SEC31A: variants seen among roughly 807,000 people sequenced by gnomAD.
SEC31A encodes the protein protein transport protein Sec31A.
A neutral mutation model predicts 151.0 loss-of-function variants in SEC31A; 70 were observed. That is an observed-to-expected ratio of 0.46 (90% CI 0.38 to 0.57). The LOEUF is 0.57. SEC31A is among the 20% of genes least tolerant of loss of function. SEC31A has a pLI of 0.00. For missense variants in SEC31A, 1,330 were observed against 1,471.2 expected (o/e 0.90, Z 1.57); for synonymous variants, 475 against 505.9 (o/e 0.94, Z 0.82).
At chr4:82,856,864 T>C (rs1732802495) in intron 16 of SEC31A, 88 bp downstream of exon 16, 1 of 1,095,034 alleles carries the variant, frequency 9.1e-7, no homozygotes, top group South Asian at 1.8e-5. Context: ...TTTACTGGTT[T>C]CTGCATTTCA....
rs1731932633 is a variant in SEC31A at position 82,853,716 on chromosome 4, CTG to C, written c.2009-3_2009-2del. On this transcript the variant is annotated splice_acceptor_variant and splice_polypyrimidine_tract_variant and intron_variant, in intron 17 of 26. Coordinates refer to ENST00000395310, the MANE Select transcript of SEC31A (RefSeq NM_001077207.4). LOFTEE classifies it high-confidence loss of function. ...TTTTCAAGCCTGGTTCCCAAAAGAT[CTG>C]TAAGTAAGAGGAAAATAAAATAAGA... is the stretch of plus-strand genomic sequence containing the variant. The C allele has an allele frequency of 1.2e-6, 2 of 1,601,302 alleles. No individual in the cohort carries two copies. Among genetic ancestry groups the C allele is most frequent in the African/African-American group, 2.7e-5 (2 of 74,160 alleles).
At chr4:82,862,680 AG>A in intron 12 of SEC31A, 108 bp from the exon 13 acceptor site, 1 of 900,718 alleles carries the variant, frequency 1.1e-6, no homozygotes, top group Non-Finnish European at 1.8e-6. Context: ...AAGTTCTTAT[AG>A]GAATAGTATG....
At chr4:82,836,034 A>C (rs1727149958) in intron 22 of SEC31A, among the ~76,000 whole-genome samples, 1 of 152,138 alleles carries the variant, frequency 6.6e-6, no homozygotes, top group Admixed American at 6.6e-5. Context: ...CAAAAAACTA[A>C]ATGTGGAATT....
intron 3 of SEC31A, among the ~76,000 whole-genome samples, chr4:82,898,822 C>T (rs1160230495): frequency 6.6e-6 from 1 of 152,168 alleles, no homozygotes; most frequent in Non-Finnish European, 1.5e-5. Context: ...TCTGGCACTT[C>T]CTCAAGAAGC....
In SEC31A at chr4:82,891,144, C is replaced by T. The variant is rs778217406; in HGVS notation, c.-61G>A. 3 of 1,535,744 alleles carry T rather than the reference C, an allele frequency of 2.0e-6. No homozygotes were observed. Among genetic ancestry groups the T allele is most frequent in the African/African-American group, 1.4e-5 (1 of 73,020 alleles). ...GTTAGTGCAGCGCTCGTCGGACTCTCCCAGCATTCGCCGCCGCCCCTCCTC... is the reference window on the plus strand; with the variant it reads ...GTTAGTGCAGCGCTCGTCGGACTCTTCCAGCATTCGCCGCCGCCCCTCCTC... On this transcript the variant is annotated 5_prime_UTR_variant, in exon 1 of 27. Coordinates refer to ENST00000395310, the MANE Select transcript of SEC31A (RefSeq NM_001077207.4).
chr4:82,823,770 T>C (rs1723943845), intron 25 of SEC31A, among the ~76,000 whole-genome samples: 1 of 152,254 alleles, frequency 6.6e-6, no homozygotes, highest in African/African-American at 2.4e-5. Context: ...TAGAAGATGA[T>C]CTATCTACTT....
chr4:82,900,493 A>T lies in SEC31A; in HGVS notation c.-333T>A, dbSNP rs570130838. ...CGCCAGATTGTGCCAGAATGGGTGA[A>T]AACAGAAGGAAAATAAACCGGTTGC... On this transcript the variant is annotated 5_prime_UTR_variant, in exon 1 of 29. Transcript: ENST00000355196. The T allele has an allele frequency of 1.7e-4, 67 of 398,994 alleles. 1 individual carries two copies. The South Asian group carries it at 2.2e-3, about 13-fold the overall frequency. The allele number at this position is 398,994 out of a possible 1,614,324, so 24.7% of individuals were successfully genotyped here. A position where few individuals can be genotyped will look rare whatever the true frequency, so the allele number is the denominator to read the frequency against.
intron 1 of SEC31A, among the ~76,000 whole-genome samples, chr4:82,882,468 G>T (rs1205611519): frequency 1.3e-5 from 2 of 148,468 alleles, no homozygotes; most frequent in Non-Finnish European, 3.0e-5. Context: ...ACAAATACTG[G>T]GCTATTCTGT....
chr4:82,879,121 T>C (rs963818997), intron 3 of SEC31A, among the ~76,000 whole-genome samples, 193 bp from the exon 4 acceptor site: 1 of 152,214 alleles, frequency 6.6e-6, no homozygotes, highest in African/African-American at 2.4e-5. Flanking sequence ...TATTTGCATA[T>C]GTGATTTTGT....
chr4:82,881,113 G>A (rs1230729592), intron 2 of SEC31A, among the ~76,000 whole-genome samples, 191 bp from the exon 3 acceptor site: 3 of 152,170 alleles, frequency 2.0e-5, no homozygotes, highest in Non-Finnish European at 4.4e-5. Context: ...GTTTATAAGA[G>A]TGGGTAGTGT....
Position 82,836,158 on chromosome 4 carries a change from A to G in SEC31A, c.2968+5982T>C, listed in dbSNP as rs997647580. Among the ~76,000 whole-genome samples, 3 of 152,126 alleles carry G rather than the reference A, an allele frequency of 2.0e-5. No homozygotes were observed. The South Asian group carries it at 6.2e-4, about 32-fold the overall frequency. ...GGGAGGCCAAGGTGGGTGGATCACA[A>G]GGTCAGGAGTTCGAGACCAGCCTGG... is the stretch of plus-strand genomic sequence containing the variant. On this transcript the variant is annotated intron_variant, in intron 22 of 26. Transcript: ENST00000395310.
chr4:82,854,712 TAAA>T (rs79298254), intron 17 of SEC31A, among the ~76,000 whole-genome samples, 188 bp downstream of exon 17: 13 of 140,308 alleles, frequency 9.3e-5, no homozygotes, highest in East Asian at 2.1e-4. Context: ...CTAGTAGATT[TAAA>T]AAAAAAAAAA....
Position 82,855,017 on chromosome 4 carries a change from C to T in SEC31A, c.1894G>A (p.Val632Met), listed in dbSNP as rs1444372957. The change falls in exon 17 of 27, where the codon GTG (valine) becomes ATG (methionine). Residue 632 changes from valine (V) to methionine (M), a missense_variant. By Grantham distance (21) the Val-to-Met change is conservative. Transcript: ENST00000395310. ...ATCTCTTTCCAGTTCTTCATCACCA[C>T]TGCAGTGATGAGCTTGAGAAACGAA... Reference protein sequence around the residue: ...QSKITRLITAVVMKNWKEIVE... With the variant: ...QSKITRLITAMVMKNWKEIVE... The T allele has an allele frequency of 6.2e-7, 1 of 1,605,474 alleles. No homozygotes were observed. Among genetic ancestry groups the T allele is most frequent in the Non-Finnish European group, 8.5e-7 (1 of 1,177,822 alleles).
chr4:82,900,335 C>T (rs1720263538), exon 1 of SEC31A: 1 of 187,718 alleles, frequency 5.3e-6, no homozygotes, highest in South Asian at 9.0e-5. Flanking sequence ...CTTCCATACC[C>T]TTTCCTCCCG....
intron 25 of SEC31A, among the ~76,000 whole-genome samples, chr4:82,822,383 T>C (rs903642656): frequency 6.6e-6 from 1 of 152,078 alleles, no homozygotes. Flanking sequence ...GGCCTTGAAC[T>C]TGGGAGGAAA....
intron 3 of SEC31A, among the ~76,000 whole-genome samples, chr4:82,880,266 A>G (rs1184650289): frequency 6.6e-6 from 1 of 152,134 alleles, no homozygotes; most frequent in East Asian, 1.9e-4. Flanking sequence ...TCTCCTTCCT[A>G]CCTTACATGT....
chr4:82,849,321 A>C (rs1730924801), intron 19 of SEC31A, among the ~76,000 whole-genome samples: 1 of 152,118 alleles, frequency 6.6e-6, no homozygotes, highest in African/African-American at 2.4e-5. Context: ...CTACTTTAAA[A>C]ACTATAACTA....
chr4:82,850,272 C>T (rs530027977), intron 19 of SEC31A, among the ~76,000 whole-genome samples: 5 of 152,172 alleles, frequency 3.3e-5, no homozygotes, highest in African/African-American at 1.2e-4. Flanking sequence ...TTACTTATAA[C>T]TTTTTACTTA....
chr4:82,820,505 G>A (rs1723094314), intron 26 of SEC31A, among the ~76,000 whole-genome samples: 1 of 152,152 alleles, frequency 6.6e-6, no homozygotes, highest in African/African-American at 2.4e-5. Context: ...AAAGAATGGT[G>A]AGGTGGGGAC....
Sources: gnomAD v4.1 joint callset for allele counts (sites outside exome capture counted in the v4.1 genomes callset) on GRCh38, gnomAD v4.1.1 for gene constraint, MANE v1.5 for transcripts, NCBI Gene and HGNC (gene_info 2026-07-23, HGNC 2026-07-21) for gene names.